The following NEB variants were observed in gnomAD, a reference collection of about 807,000 sequenced individuals.
NEB encodes the protein nemaline myopathy type 2.
In NEB, 512 loss-of-function variants were observed where a neutral mutation model predicts 952.2. The ratio of observed to expected loss-of-function variants is 0.54; its 90% CI spans 0.50 to 0.58. The LOEUF is 0.58. NEB is among the 20% of genes least tolerant of loss of function. The probability of loss-of-function intolerance (pLI) is 0.00; values close to 1 mark genes in which losing one functional copy is unlikely to be tolerated. For synonymous variants in NEB, 2,900 were observed against 3,149.8 expected (o/e 0.92, Z 2.66); for missense variants, 8,428 against 9,231.1 (o/e 0.91, Z 3.56).
intron 148 of NEB, 125 bp from the exon 149 acceptor site, chr2:151,526,387 T>TG: frequency 1.4e-6 from 1 of 715,866 alleles, no homozygotes; most frequent in Non-Finnish European, 2.4e-6. Flanking sequence ...ATGTGATACT[T>TG]GCAAATTTTG....
intron 181 of NEB, among the ~76,000 whole-genome samples, chr2:151,487,778 T>G (rs890688585): frequency 6.6e-6 from 1 of 152,106 alleles, no homozygotes; most frequent in Admixed American, 6.6e-5. Context: ...TATATATATA[T>G]GTATAAAATA....
intron 163 of NEB, 164 bp from the exon 164 acceptor site, chr2:151,506,422 G>A (rs950149371): frequency 1.7e-6 from 1 of 604,388 alleles, no homozygotes. Context: ...CAGTATCAGT[G>A]ACTCAGACCA....
At chr2:151,559,962 C>G (rs750360947) in intron 124 of NEB, among the ~76,000 whole-genome samples, 1 of 151,862 alleles carries the variant, frequency 6.6e-6, no homozygotes, top group Non-Finnish European at 1.5e-5. Flanking sequence ...AACACACACA[C>G]GCAAAAAGGT....
At chr2:151,501,826 A>G (rs147474831) in intron 167 of NEB, among the ~76,000 whole-genome samples, 1 of 151,948 alleles carries the variant, frequency 6.6e-6, no homozygotes, top group Non-Finnish European at 1.5e-5. Flanking sequence ...TAGGGAACCA[A>G]AGAAAGAGGA....
chr2:151,688,365 T>A lies in NEB; in HGVS notation c.2342A>T (p.Lys781Met). Residue 781 changes from lysine (K) to methionine (M), a missense_variant, in exon 25 of 182, where the codon AAG (lysine) becomes ATG (methionine). By Grantham distance (95) the Lys-to-Met change is moderately conservative. This residue lies in a region of NEB where 2,851 missense variants were observed against 2,791.5 expected (regional missense o/e 1.02). Coordinates refer to ENST00000397345, the MANE Select transcript of NEB (RefSeq NM_001164508.2). ...ATCTGCTGGTATATGGCACTTGAAC[T>A]TCTCACCTTCATGTTTTGCTTTGTA... Reference protein sequence around the residue: ...LNYKAKHEGEKFKCHIPADAP... With the variant: ...LNYKAKHEGEMFKCHIPADAP... 1 of 1,613,884 alleles carries A rather than the reference T, an allele frequency of 6.2e-7. No homozygotes were observed. Among genetic ancestry groups the A allele is most frequent in the South Asian group, 1.1e-5 (1 of 91,074 alleles).
chr2:151,498,869 A>G (rs2062234545), intron 169 of NEB, among the ~76,000 whole-genome samples: 1 of 145,436 alleles, frequency 6.9e-6, no homozygotes. Flanking sequence ...TTTAAGGCAA[A>G]TGGAGAGCAA....
Position 151,567,259 on chromosome 2 carries a change from A to G in NEB, c.18065T>C (p.Ile6022Thr). Residue 6022 changes from isoleucine (I) to threonine (T), a missense_variant, in exon 114 of 182, where the codon ATT becomes ACT. Physicochemically the swap from Ile to Thr is moderately conservative, Grantham distance 89 (BLOSUM62 -1). Around this residue, in one of 11 missense-constraint regions of NEB, gnomAD observed 3,374 missense variants for 3,651.5 expected, o/e 0.92. Coordinates refer to ENST00000397345, the MANE Select transcript of NEB (RefSeq NM_001164508.2). Reference protein sequence around the residue: ...AKQGQTLVSDIDYRNYLHQWM... With the variant: ...AKQGQTLVSDTDYRNYLHQWM... ...TTGGTGCAAGTAATTACGATAATCA[A>G]TATCACTGACAAGGGTCTGCCCCTG... The G allele has an allele frequency of 1.9e-6, 3 of 1,613,902 alleles. No individual in the cohort carries two copies. The highest frequency in any genetic ancestry group is 2.5e-6 in the Non-Finnish European group (3 of 1,179,826).
intron 142 of NEB, among the ~76,000 whole-genome samples, chr2:151,533,784 G>A (rs1288033727): frequency 3.9e-5 from 6 of 152,134 alleles, no homozygotes; most frequent in African/African-American, 1.2e-4. Context: ...TTTCACTTAC[G>A]TTACCACCAA....
Position 151,501,410 on chromosome 2 carries a change from T to TTGAG in NEB, c.23998_24001dup (p.Asn8001ThrfsTer7), listed in dbSNP as rs748550315. 3.2e-6 allele frequency: 5 copies of TTGAG among 1,549,428 alleles called. No individual in the cohort carries two copies. The highest frequency in any genetic ancestry group is 2.4e-5 in the East Asian group (1 of 40,968). On this transcript the variant is annotated frameshift_variant, in exon 168 of 182. Transcript: ENST00000397345. LOFTEE classifies it high-confidence loss of function. ...AAATACCGAGCTAAAGTTTTCTTGA[T>TTGAG]TGAGTTTGACTCGCTCCATCTCAGG...
intron 143 of NEB, among the ~76,000 whole-genome samples, chr2:151,533,196 T>C (rs908777982): frequency 6.6e-6 from 1 of 152,236 alleles, no homozygotes; most frequent in African/African-American, 2.4e-5. Context: ...ACTTTGGAAA[T>C]AACACTTGAA....
At chr2:151,541,185 TCAAG>T (rs1470510795) in intron 136 of NEB, among the ~76,000 whole-genome samples, 1 of 152,198 alleles carries the variant, frequency 6.6e-6, no homozygotes, top group Non-Finnish European at 1.5e-5. Flanking sequence ...TATAGAATGA[TCAAG>T]CAATTATTTT....
chr2:151,504,147 A>T (rs1006714574), intron 165 of NEB, among the ~76,000 whole-genome samples: 1 of 152,170 alleles, frequency 6.6e-6, no homozygotes, highest in Non-Finnish European at 1.5e-5. Context: ...TTTTCAGCCT[A>T]AAGGACTGAA....
At chr2:151,519,140 GAGA>G (rs2080182520) in intron 154 of NEB, 71 bp from the exon 155 acceptor site, 3 of 934,326 alleles carry the variant, frequency 3.2e-6, no homozygotes, top group African/African-American at 1.8e-5. Context: ...AAATCAAAGT[GAGA>G]TAGCCCATCG....
chr2:151,542,721 C>T (rs1401272536), intron 135 of NEB, among the ~76,000 whole-genome samples: 1 of 152,188 alleles, frequency 6.6e-6, no homozygotes, highest in African/African-American at 2.4e-5. Context: ...TGCTCAACTC[C>T]TCTATTGGAC....
Position 151,567,160 on chromosome 2 carries a change from TCACTTACATCACTCTGTA to T in NEB, c.18146_18156+7del. ...TTTCTAGATAATGAAGAAACAAAAATCACTTACATCACTCTGTAGGTCATAGGCCTTTCTTGCCTGAAT... is the reference window on the plus strand; with the variant it reads ...TTTCTAGATAATGAAGAAACAAAAATGGTCATAGGCCTTTCTTGCCTGAAT... On this transcript the variant is annotated splice_donor_variant and splice_donor_5th_base_variant and coding_sequence_variant and intron_variant, in exon 114 of 182. Transcript: ENST00000397345. LOFTEE classifies it high-confidence loss of function. 1 of 1,564,206 alleles carries T rather than the reference TCACTTACATCACTCTGTA, an allele frequency of 6.4e-7. No homozygotes were observed. Among genetic ancestry groups the T allele is most frequent in the Non-Finnish European group, 8.7e-7 (1 of 1,153,300 alleles).
chr2:151,499,383 T>TACAAC lies in NEB; in HGVS notation c.24024_24028dup (p.Tyr8010CysfsTer137), dbSNP rs772009599. The stretch of plus-strand genomic sequence containing the variant: ...AATCCCTTTTCCAACGTTTTCTTTA[T>TACAAC]ACAACACCTGTATGACACAAGAAAG... On this transcript the variant is annotated frameshift_variant, in exon 169 of 182. Coordinates refer to ENST00000397345, the MANE Select transcript of NEB (RefSeq NM_001164508.2). LOFTEE classifies it high-confidence loss of function. The TACAAC allele has an allele frequency of 1.4e-5, 22 of 1,529,896 alleles. No individual in the cohort carries two copies. Among genetic ancestry groups the TACAAC allele is most frequent in the African/African-American group, 2.8e-5 (2 of 72,562 alleles). The allele number at this position is 1,529,896 out of a possible 1,614,324, so 94.8% of individuals were successfully genotyped here.
chr2:151,694,734 G>A (rs2099583473), intron 18 of NEB, 105 bp from the exon 19 acceptor site: 2 of 840,386 alleles, frequency 2.4e-6, no homozygotes, highest in Admixed American at 4.7e-5. Flanking sequence ...TAAAATAAAT[G>A]GGCCCTTTTT....
intron 138 of NEB, among the ~76,000 whole-genome samples, chr2:151,538,662 AAAC>A (rs1330154480): frequency 6.6e-6 from 1 of 152,154 alleles, no homozygotes; most frequent in Non-Finnish European, 1.5e-5. Context: ...AAACCCAAAC[AAAC>A]AACATTGTTG....
In NEB at chr2:151,575,762, G is replaced by A. The variant is rs1439605212; in HGVS notation, c.16946C>T (p.Ser5649Leu). The change falls in exon 107 of 182, where the codon TCA (serine) becomes TTA (leucine). Residue 5649 changes from serine to leucine, a missense_variant. Ser to Leu is a moderately radical substitution (Grantham distance 145). This residue lies in a region of NEB where 3,374 missense variants were observed against 3,651.5 expected (regional missense o/e 0.92). Coordinates refer to ENST00000397345, the MANE Select transcript of NEB (RefSeq NM_001164508.2). ...YREVWDKDKT[S>L]IHIMPDTPEI... ...TGGAGTATCTGGCATTATGTGTATT[G>A]AAGTTTTATCCTTGTCCCAAACCTC... 1.8e-5 allele frequency: 29 copies of A among 1,610,634 alleles called. No individual in the cohort carries two copies. The highest frequency in any genetic ancestry group is 1.8e-5 in the Non-Finnish European group (21 of 1,176,806).
Sources: allele counts gnomAD v4.1 joint callset (sites outside exome capture counted in the v4.1 genomes callset), GRCh38; gene constraint gnomAD v4.1.1; regional missense constraint gnomAD v4.1.1; transcripts MANE v1.5; gene names NCBI Gene and HGNC (gene_info 2026-07-23, HGNC 2026-07-21).